The following RPTOR variants were observed in gnomAD, a reference collection of about 807,000 sequenced individuals.
RPTOR encodes the protein regulatory-associated protein of mTOR.
Under a neutral mutation model 169.9 loss-of-function variants are expected in RPTOR, and 21 were observed. That is an observed-to-expected ratio of 0.12 (90% confidence interval 0.09 to 0.18). The LOEUF (loss-of-function observed/expected upper bound fraction) is 0.18, where lower values mean the gene tolerates loss of function less well. Among genes scored for constraint, RPTOR ranks in the 10% least tolerant of loss-of-function variants. The pLI, the probability that RPTOR is intolerant of heterozygous loss-of-function variation, is 1.00. For missense variants in RPTOR, 1,133 were observed against 1,855.9 expected, an observed-to-expected ratio of 0.61 and a Z score of 7.16; for synonymous variants, 732 against 753.2, an observed-to-expected ratio of 0.97 and a Z score of 0.46.
chr17:80,685,199 G>GCACCTCATTCGGAGTCGCCCCTCATTC, intron 3 of RPTOR, among the ~76,000 whole-genome samples: 2 of 151,258 alleles, frequency 1.3e-5, no homozygotes, highest in African/African-American at 2.4e-5. Context: ...ATTCAGGGTC[G>GCACCTCATTCGGAGTCGCCCCTCATTC]CTTGTTGCGT....
chr17:80,895,124 C>T (rs1049582005), intron 20 of RPTOR, among the ~76,000 whole-genome samples: 9 of 152,154 alleles, frequency 5.9e-5, no homozygotes, highest in Non-Finnish European at 1.3e-4. Flanking sequence ...AATAAGCAAA[C>T]TCAGAATTCA....
intron 4 of RPTOR, among the ~76,000 whole-genome samples, chr17:80,714,188 G>T (rs977000486): frequency 1.3e-5 from 2 of 152,116 alleles, no homozygotes; most frequent in Admixed American, 1.3e-4. Context: ...TGATCTGCCG[G>T]CCTCGGCCTC....
intron 7 of RPTOR, among the ~76,000 whole-genome samples, chr17:80,801,397 G>T (rs2067155828): frequency 6.6e-6 from 1 of 152,084 alleles, no homozygotes. Context: ...ATTAGGACAA[G>T]CTGGGACAGG....
intron 21 of RPTOR, among the ~76,000 whole-genome samples, chr17:80,920,352 C>T (rs997780167): frequency 6.6e-6 from 1 of 152,174 alleles, no homozygotes. Context: ...GTGGTCACTA[C>T]ACTAATGGGG....
At chr17:80,643,656 C>A in intron 2 of RPTOR, 72 bp from the exon 3 acceptor site, 1 of 1,125,202 alleles carries the variant, frequency 8.9e-7, no homozygotes, top group Non-Finnish European at 1.3e-6. Flanking sequence ...TAAGGAGAAA[C>A]TGTGGAAGAG....
intron 1 of RPTOR, among the ~76,000 whole-genome samples, chr17:80,588,137 G>A (rs911164312): frequency 5.4e-4 from 82 of 150,792 alleles, no homozygotes; most frequent in African/African-American, 1.9e-3. Flanking sequence ...ATTCCATGGT[G>A]CATGTATATC....
chr17:80,956,231 A>T (rs1021131977), intron 28 of RPTOR, among the ~76,000 whole-genome samples: 1 of 152,216 alleles, frequency 6.6e-6, no homozygotes, highest in African/African-American at 2.4e-5. Context: ...TGAAAAAAAA[A>T]AAAAAGAGCA....
intron 20 of RPTOR, among the ~76,000 whole-genome samples, chr17:80,903,175 C>T (rs1285585995): frequency 6.6e-6 from 1 of 152,254 alleles, no homozygotes; most frequent in Non-Finnish European, 1.5e-5. Flanking sequence ...CCTGGTGCAG[C>T]TGTGGCAAGC....
At chr17:80,710,567 T>TTGTG (rs1249250528) in intron 4 of RPTOR, among the ~76,000 whole-genome samples, 4,851 of 110,574 alleles carry the variant, frequency 0.044, 226 homozygotes, top group African/African-American at 0.12. Flanking sequence ...CCTTGGTTAT[T>TTGTG]TGTATGTGTG....
At chr17:80,576,851 G>C (rs1038024129) in intron 1 of RPTOR, among the ~76,000 whole-genome samples, 1 of 152,080 alleles carries the variant, frequency 6.6e-6, no homozygotes, top group East Asian at 1.9e-4. Flanking sequence ...CAGCAGGTGT[G>C]TACCACCACA....
At chr17:80,859,719 CGT>C (rs1243029529) in intron 13 of RPTOR, among the ~76,000 whole-genome samples, 2 of 152,214 alleles carry the variant, frequency 1.3e-5, no homozygotes, top group Non-Finnish European at 2.9e-5. Context: ...GCTGTGTGCA[CGT>C]GTGTGCGGGG....
In RPTOR at chr17:80,844,809, T is replaced by C. The variant is rs979160555; in HGVS notation, c.1213-1664T>C. Among the ~76,000 whole-genome samples the C allele has an allele frequency of 6.6e-6, 1 of 152,158 alleles. No individual in the cohort carries two copies. Among genetic ancestry groups the C allele is most frequent in the Non-Finnish European group, 1.5e-5 (1 of 68,016 alleles). On this transcript the variant is annotated intron_variant, in intron 10 of 33. Transcript: ENST00000306801. This position sits in a 1 kb window ranked among gnomAD's most constrained non-coding sequence, Gnocchi z 4.7. Reference sequence around the variant, plus strand: ...CCTGTCCACATGTGTCCACATTCACTGGAACCCGGGGCACAGCCGACCCCG... The same window carrying C: ...CCTGTCCACATGTGTCCACATTCACCGGAACCCGGGGCACAGCCGACCCCG...
chr17:80,660,928 GCAAGGT>G (rs2065718468), intron 3 of RPTOR, among the ~76,000 whole-genome samples: 1 of 152,116 alleles, frequency 6.6e-6, no homozygotes, highest in Non-Finnish European at 1.5e-5. Flanking sequence ...TGGAAACAAG[GCAAGGT>G]CAAGGTCAAG....
intron 1 of RPTOR, among the ~76,000 whole-genome samples, chr17:80,564,593 C>A (rs2084552350): frequency 7.0e-6 from 1 of 142,140 alleles, no homozygotes; most frequent in South Asian, 2.3e-4. Flanking sequence ...AGGTATTAAG[C>A]CTAGTACCCA....
At chr17:80,832,360 C>T (rs577544205) in intron 9 of RPTOR, among the ~76,000 whole-genome samples, 6 of 152,126 alleles carry the variant, frequency 3.9e-5, no homozygotes, top group Non-Finnish European at 8.8e-5. Context: ...GTGGGAAGGC[C>T]GCGAGGAGTG....
At chr17:80,851,264 G>A (rs1408427973) in intron 11 of RPTOR, among the ~76,000 whole-genome samples, 9 of 152,162 alleles carry the variant, frequency 5.9e-5, no homozygotes, top group African/African-American at 2.2e-4. Context: ...ACCACAGGTG[G>A]AAAATAAATC....
At chr17:80,635,116 C>T (rs1407757364) in intron 2 of RPTOR, among the ~76,000 whole-genome samples, 3 of 152,154 alleles carry the variant, frequency 2.0e-5, no homozygotes, top group Non-Finnish European at 4.4e-5. Context: ...AATGTGGTGC[C>T]TCCTCCTGTG....
chr17:80,819,287 A>G (rs1299041505), intron 7 of RPTOR, among the ~76,000 whole-genome samples: 1 of 152,234 alleles, frequency 6.6e-6, no homozygotes, highest in East Asian at 1.9e-4. Context: ...AAGGAAGGGT[A>G]TCCCCATGAT....
chr17:80,883,301 G>A (rs1017637017), intron 14 of RPTOR, 118 bp from the exon 15 acceptor site: 12 of 892,698 alleles, frequency 1.3e-5, no homozygotes, highest in East Asian at 2.4e-5. Context: ...GCTGGCTCTC[G>A]TTACTTTAAT....
Sources: gnomAD v4.1 joint callset for allele counts (sites outside exome capture counted in the v4.1 genomes callset) on GRCh38, gnomAD v4.1.1 for gene constraint, Gnocchi (gnomAD v3.1) non-coding constraint, MANE v1.5 for transcripts, NCBI Gene and HGNC (gene_info 2026-07-23, HGNC 2026-07-21) for gene names.